Variants in SNX18 observed in about 807,000 individuals in gnomAD.
SNX18 encodes sorting nexin 18, also known as sorting nexin-18.
SNX18 carries 35 observed loss-of-function variants against 48.7 expected under a neutral mutation model. That is an observed-to-expected ratio of 0.72 (90% CI 0.55 to 0.95). The LOEUF is 0.95. Ranked by LOEUF, SNX18 falls within the 40% of genes least tolerant of loss-of-function variation. The probability of loss-of-function intolerance (pLI) is 0.00; values close to 1 mark genes in which losing one functional copy is unlikely to be tolerated. For missense variants in SNX18, 824 were observed against 871.0 expected, an observed-to-expected ratio of 0.95 and a Z score of 0.68; for synonymous variants, 492 against 384.7, an observed-to-expected ratio of 1.28 and a Z score of -3.26.
chr5:54,555,945 G>GC, the SNX18 span, among the ~76,000 whole-genome samples: 32 of 152,212 alleles, frequency 2.1e-4, no homozygotes, highest in African/African-American at 7.2e-4. Flanking sequence ...TTATAAGCAG[G>GC]GTGATTTATT....
chr5:54,576,232 C>T, the SNX18 span, among the ~76,000 whole-genome samples: 2 of 152,062 alleles, frequency 1.3e-5, no homozygotes, highest in African/African-American at 4.8e-5. Flanking sequence ...TCCCTGGAGC[C>T]GTATGTGTAA....
At chr5:54,551,937 A>T in the SNX18 span, among the ~76,000 whole-genome samples, 4 of 152,224 alleles carry the variant, frequency 2.6e-5, no homozygotes, top group Non-Finnish European at 5.9e-5. Flanking sequence ...TGAAAGAAAG[A>T]AAATAGTGAT....
chr5:54,543,343 A>T lies in SNX18; in HGVS notation c.1786A>T (p.Met596Leu), dbSNP rs1013819145. Residue 596 changes from methionine to leucine, a missense_variant, in exon 2 of 2, where the codon ATG becomes TTG. Met to Leu is a conservative substitution (Grantham distance 15). This residue lies in a region of SNX18 where 443 missense variants were observed against 503.6 expected (regional missense o/e 0.88). Transcript: ENST00000381410. ...TCGAGTGAGAGACTTTAAATCACAGATGCAGCATTTCTTACAACAACAAAT... is the reference window on the plus strand; with the variant it reads ...TCGAGTGAGAGACTTTAAATCACAGTTGCAGCATTTCTTACAACAACAAAT... ...QIRVRDFKSQMQHFLQQQIIF... is the reference protein window; with the variant it reads ...QIRVRDFKSQLQHFLQQQIIF... 4 of 1,614,096 alleles carry T rather than the reference A, an allele frequency of 2.5e-6. No individual in the cohort carries two copies. The highest frequency in any genetic ancestry group is 1.3e-5 in the African/African-American group (1 of 74,936).
At chr5:54,611,957 A>G in the SNX18 span, among the ~76,000 whole-genome samples, 1 of 151,752 alleles carries the variant, frequency 6.6e-6, no homozygotes, top group East Asian at 1.9e-4. Context: ...AACTCACTGT[A>G]ACCTCAAACT....
At chr5:54,565,877 A>T in the SNX18 span, among the ~76,000 whole-genome samples, 2 of 152,162 alleles carry the variant, frequency 1.3e-5, no homozygotes, top group Non-Finnish European at 2.9e-5. Context: ...TTATTACAAA[A>T]ATTAACCAAT....
chr5:54,520,093 T>A, intron 1 of SNX18: 1 of 398,952 alleles, frequency 2.5e-6, no homozygotes, highest in Non-Finnish European at 4.7e-6. Context: ...AAGAAATTCC[T>A]GCAAAGAATT....
the SNX18 span, chr5:54,643,699 T>C: frequency 6.6e-6 from 1 of 152,232 alleles, no homozygotes; most frequent in African/African-American, 2.4e-5. Context: ...TTTCCTGTTG[T>C]TGCTGATGTG....
the SNX18 span, among the ~76,000 whole-genome samples, chr5:54,567,394 A>G: frequency 6.6e-6 from 1 of 152,092 alleles, no homozygotes; most frequent in African/African-American, 2.4e-5. Context: ...ATCCACAGGA[A>G]AGGCCAATCA....
In SNX18 at chr5:54,524,470, T is replaced by C. The variant is rs117264341; in HGVS notation, c.1621+4897T>C. ...TCCTGTCTGGCCATCTTAGGACTTC[T>C]AAGCATAATGCCAGAACCCAAACAA... On this transcript the variant is annotated intron_variant, in intron 1 of 1. Coordinates refer to ENST00000381410, the MANE Select transcript of SNX18 (RefSeq NM_001102575.2). 2.0e-4 allele frequency among the ~76,000 whole-genome samples: 30 copies of C among 152,346 alleles called. No homozygotes were observed. In the East Asian group the frequency reaches 5.6e-3, roughly 28 times the overall value.
At chr5:54,598,851 C>CT in the SNX18 span, among the ~76,000 whole-genome samples, 1 of 152,148 alleles carries the variant, frequency 6.6e-6, no homozygotes, top group East Asian at 1.9e-4. Context: ...CTCACCACTC[C>CT]TATTCAACTT....
chr5:54,544,027 TA>T lies in SNX18; in HGVS notation c.*596del, dbSNP rs2111614267. Reference sequence around the variant, plus strand: ...ACTGATGATAACCTTATATTGGCAGTAGGGGGTGGGGGGGGCGGTGGGGTGG... The same window carrying T: ...ACTGATGATAACCTTATATTGGCAGTGGGGGTGGGGGGGGCGGTGGGGTGG... On this transcript the variant is annotated 3_prime_UTR_variant, in exon 2 of 2. Transcript: ENST00000381410. The T allele has an allele frequency of 3.0e-5, 1 of 33,284 alleles. No homozygotes were observed. The highest frequency in any genetic ancestry group is 9.7e-4 in the South Asian group (1 of 1,034). 2.1% of individuals were successfully genotyped at this position (33,284 alleles called of 1,614,324 possible).
intron 1 of SNX18, among the ~76,000 whole-genome samples, chr5:54,531,287 A>G (rs1394240567): frequency 6.6e-6 from 1 of 152,032 alleles, no homozygotes; most frequent in African/African-American, 2.4e-5. Context: ...ATCTAGTGTT[A>G]CCTTAGAGGT....
At chr5:54,640,618 C>T in the SNX18 span, among the ~76,000 whole-genome samples, 4 of 152,182 alleles carry the variant, frequency 2.6e-5, no homozygotes, top group Non-Finnish European at 5.9e-5. Context: ...TTCATAAAAT[C>T]GTGCACCCTT....
rs1056674123 is a variant in SNX18, at chr5:54,518,250, C to G, written c.298C>G (p.Pro100Ala). 5 of 1,456,864 alleles carry G rather than the reference C, an allele frequency of 3.4e-6. No homozygotes were observed. The African/African-American group carries it at 7.4e-5, about 22-fold the overall frequency. The allele number at this position is 1,456,864 out of a possible 1,614,324, so 90.2% of individuals were successfully genotyped here. A position where few individuals can be genotyped will look rare whatever the true frequency, so the allele number is the denominator to read the frequency against. ...CGCGCCCCCCGCCTCCTTCAAGCCG[C>G]CGCCTGACGCCTTCCAGGCGCTGCT... is the stretch of plus-strand genomic sequence containing the variant. ...PVAPPASFKPPPDAFQALLQP... is the reference protein window; with the variant it reads ...PVAPPASFKPAPDAFQALLQP... Residue 100 changes from proline (P) to alanine (A), a missense_variant, in exon 1 of 2, where the codon CCG becomes GCG. Coordinates refer to ENST00000381410, the MANE Select transcript of SNX18 (RefSeq NM_001102575.2).
At chr5:54,520,439 A>G (rs1762001489) in intron 1 of SNX18, 1 of 151,318 alleles carries the variant, frequency 6.6e-6, no homozygotes, top group Non-Finnish European at 1.7e-5. Flanking sequence ...TAATGCCTTG[A>G]TTGAGAGAAT....
the SNX18 span, chr5:54,643,626 T>C: frequency 6.2e-4 from 95 of 152,358 alleles, 1 homozygote; most frequent in African/African-American, 2.2e-3. Context: ...GATTGAAATT[T>C]TGGAGGTATC....
intron 1 of SNX18, among the ~76,000 whole-genome samples, chr5:54,530,059 G>A (rs1320744034): frequency 6.6e-6 from 1 of 152,128 alleles, no homozygotes; most frequent in African/African-American, 2.4e-5. Context: ...AGCTTCTGGT[G>A]GTTGCCAGCA....
chr5:54,598,264 G>C, the SNX18 span, among the ~76,000 whole-genome samples: 1 of 151,966 alleles, frequency 6.6e-6, no homozygotes, highest in Admixed American at 6.6e-5. Flanking sequence ...AAAAGCCCAG[G>C]GCCAGATGGA....
chr5:54,518,780 C>A lies in SNX18; in HGVS notation c.828C>A (p.Phe276Leu), dbSNP rs374497194. 6.8e-6 allele frequency: 11 copies of A among 1,605,990 alleles called. No individual in the cohort carries two copies. In the African/African-American group the frequency reaches 1.5e-4, roughly 21 times the overall value. ...GPEWQENPYP[F>L]QCTIDDPTKQ... is the part of the protein sequence containing the mutation. ...AGTGGCAGGAGAACCCCTACCCGTTCCAGTGCACCATCGACGACCCCACCA... is the reference window on the plus strand; with the variant it reads ...AGTGGCAGGAGAACCCCTACCCGTTACAGTGCACCATCGACGACCCCACCA... The change falls in exon 1 of 2, where the codon TTC becomes TTA. Residue 276 changes from phenylalanine (F) to leucine (L), a missense_variant. Physicochemically the swap from Phe to Leu is conservative, Grantham distance 22. Transcript: ENST00000381410.
Sources: allele counts gnomAD v4.1 joint callset (sites outside exome capture counted in the v4.1 genomes callset), GRCh38; gene constraint gnomAD v4.1.1; regional missense constraint gnomAD v4.1.1; transcripts MANE v1.5; gene names NCBI Gene and HGNC (gene_info 2026-07-23, HGNC 2026-07-21).